NRG1: variants seen among roughly 807,000 people sequenced by gnomAD.
NRG1 encodes the protein neuregulin 1.
In NRG1, 18 loss-of-function variants were observed where a neutral mutation model predicts 63.8. The observed-to-expected ratio is 0.28, with a 90% CI of 0.19 to 0.42. NRG1 has a LOEUF of 0.42. NRG1 is among the 10% of genes least tolerant of loss of function. The probability of loss-of-function intolerance (pLI) is 1.00; values close to 1 mark genes in which losing one functional copy is unlikely to be tolerated. For synonymous variants in NRG1, 302 were observed against 301.3 expected, an observed-to-expected ratio of 1.00 and a Z score of -0.02; for missense variants, 762 against 814.7, an observed-to-expected ratio of 0.94 and a Z score of 0.79.
At chr8:31,661,708 TA>T (rs1806010110) in intron 1 of NRG1, among the ~76,000 whole-genome samples, 1 of 152,216 alleles carries the variant, frequency 6.6e-6, no homozygotes, top group South Asian at 2.1e-4. Context: ...TGATGTTGTC[TA>T]AAAAATGTCA....
At chr8:31,890,151 C>A (rs1831037112) in intron 1 of NRG1, among the ~76,000 whole-genome samples, 1 of 152,102 alleles carries the variant, frequency 6.6e-6, no homozygotes. Flanking sequence ...ACAAAAATGT[C>A]TCAATATCTA....
chr8:32,563,358 A>AG (rs1181443427), intron 1 of NRG1, among the ~76,000 whole-genome samples: 1 of 152,244 alleles, frequency 6.6e-6, no homozygotes, highest in African/African-American at 2.4e-5. Context: ...CTTCTATAGA[A>AG]TAACTTTTGA....
intron 1 of NRG1, among the ~76,000 whole-genome samples, chr8:32,217,734 A>G (rs1475823028): frequency 6.6e-6 from 1 of 152,134 alleles, no homozygotes; most frequent in Non-Finnish European, 1.5e-5. Flanking sequence ...CATTTTAAAA[A>G]CTCAACTTAC....
At chr8:32,397,691 G>A (rs1480220503) in intron 1 of NRG1, among the ~76,000 whole-genome samples, 1 of 152,086 alleles carries the variant, frequency 6.6e-6, no homozygotes, top group Non-Finnish European at 1.5e-5. Flanking sequence ...TAAAATCAAT[G>A]GATGAGTCAT....
chr8:32,362,455 C>A (rs902144323), intron 1 of NRG1, among the ~76,000 whole-genome samples: 13 of 152,142 alleles, frequency 8.5e-5, no homozygotes, highest in Non-Finnish European at 1.8e-4. Context: ...CTTTATTTTT[C>A]TAAGGCTTTG....
chr8:32,299,144 G>C (rs17631092), intron 1 of NRG1, among the ~76,000 whole-genome samples: 8,475 of 151,998 alleles, frequency 0.056, 276 homozygotes, highest in South Asian at 0.07. Flanking sequence ...CATCATTTGG[G>C]AATTGTATTT....
intron 5 of NRG1, among the ~76,000 whole-genome samples, chr8:32,642,860 A>G (rs1290308084): frequency 6.6e-6 from 1 of 152,206 alleles, no homozygotes; most frequent in South Asian, 2.1e-4. Flanking sequence ...TAAGTGAGTA[A>G]TAAGGTCAAA....
At chr8:32,306,685 G>A (rs771357547) in intron 1 of NRG1, among the ~76,000 whole-genome samples, 3 of 152,220 alleles carry the variant, frequency 2.0e-5, no homozygotes, top group Non-Finnish European at 4.4e-5. Context: ...TGACATAAAT[G>A]GTAGGACGAG....
chr8:32,048,514 T>A (rs1459775403), intron 1 of NRG1, among the ~76,000 whole-genome samples: 1 of 147,118 alleles, frequency 6.8e-6, no homozygotes, highest in African/African-American at 2.5e-5. Flanking sequence ...CATATGGTAG[T>A]TCTGTTTTTA....
At chr8:32,760,444 T>C in intron 11 of NRG1, 38 bp downstream of exon 11, 1 of 1,610,526 alleles carries the variant, frequency 6.2e-7, no homozygotes, top group Non-Finnish European at 8.5e-7. Context: ...GAGGAGAAAC[T>C]CAGTCAGAGA....
chr8:32,503,267 A>G (rs1828087197), intron 1 of NRG1, among the ~76,000 whole-genome samples: 3 of 132,418 alleles, frequency 2.3e-5, no homozygotes, highest in South Asian at 2.6e-4. Context: ...AGCCTGGGCT[A>G]CAGAGCGAGA....
intron 10 of NRG1, 33 bp downstream of exon 10, chr8:32,759,469 C>G (rs895746747): frequency 4.4e-6 from 7 of 1,606,506 alleles, no homozygotes; most frequent in Non-Finnish European, 6.0e-6. Flanking sequence ...CGGCTTTTCT[C>G]TCAGAATGAA....
chr8:32,367,214 A>T (rs973581106), intron 1 of NRG1, among the ~76,000 whole-genome samples: 1 of 152,144 alleles, frequency 6.6e-6, no homozygotes, highest in Non-Finnish European at 1.5e-5. Context: ...AAACCTCCGA[A>T]CTATTTTCTA....
chr8:32,338,704 A>C (rs537934277), intron 1 of NRG1, among the ~76,000 whole-genome samples: 1 of 152,364 alleles, frequency 6.6e-6, no homozygotes, highest in East Asian at 1.9e-4. Flanking sequence ...CCTAAAATGC[A>C]GAAGCATGTT....
At chr8:31,735,029 A>G (rs1814517165) in intron 1 of NRG1, among the ~76,000 whole-genome samples, 1 of 152,230 alleles carries the variant, frequency 6.6e-6, no homozygotes, top group Non-Finnish European at 1.5e-5. Context: ...AAGCTTCTTG[A>G]GCAACTTGGT....
intron 1 of NRG1, among the ~76,000 whole-genome samples, chr8:32,439,620 A>T (rs1174894352): frequency 6.6e-6 from 1 of 152,168 alleles, no homozygotes; most frequent in Non-Finnish European, 1.5e-5. Flanking sequence ...TTCAAAATAC[A>T]TCAGAACTTA....
intron 1 of NRG1, among the ~76,000 whole-genome samples, chr8:31,853,005 T>A (rs71523441): frequency 0.035 from 5,339 of 152,054 alleles, 177 homozygotes; most frequent in Admixed American, 0.1. Flanking sequence ...GCTGTTTTGG[T>A]TACTGTAGCC....
intron 1 of NRG1, among the ~76,000 whole-genome samples, chr8:32,224,581 G>A (rs1846140041): frequency 1.3e-5 from 2 of 152,174 alleles, no homozygotes; most frequent in Non-Finnish European, 2.9e-5. Flanking sequence ...AACGAACTGT[G>A]TATTACAGGA....
In NRG1 at chr8:32,646,657, G is replaced by A. The variant is rs79053326; in HGVS notation, c.502+29772G>A. 27 of 981,340 alleles carry A rather than the reference G, an allele frequency of 2.8e-5. No homozygotes were observed. In the East Asian group the frequency reaches 9.1e-4, roughly 33 times the overall value. The allele number at this position is 981,340 out of a possible 1,614,324, so 60.8% of individuals were successfully genotyped here. The stretch of plus-strand genomic sequence containing the variant: ...GAGACTGAAAGCTGGCAAGGTGGGG[G>A]TGGAAGAAGACTGGGACAGCTTTTG... On this transcript the variant is annotated intron_variant, in intron 5 of 11. Transcript: ENST00000356819.
Sources: gnomAD v4.1 joint callset for allele counts (sites outside exome capture counted in the v4.1 genomes callset) on GRCh38, gnomAD v4.1.1 for gene constraint, MANE v1.5 for transcripts, NCBI Gene and HGNC (gene_info 2026-07-23, HGNC 2026-07-21) for gene names.